Variants in ADCY9 observed in about 807,000 individuals in gnomAD.
ADCY9 encodes adenylate cyclase type 9.
ADCY9 carries 50 observed loss-of-function variants against 101.5 expected under a neutral mutation model. That is an observed-to-expected ratio of 0.49 (90% CI 0.39 to 0.62). The LOEUF is 0.62. Among genes scored for constraint, ADCY9 ranks in the 20% least tolerant of loss-of-function variants. The probability of loss-of-function intolerance (pLI) is 0.00; values close to 1 mark genes in which losing one functional copy is unlikely to be tolerated. For synonymous variants in ADCY9, 905 were observed against 769.3 expected (o/e 1.18, Z -2.92); for missense variants, 1,662 against 1,800.4 (o/e 0.92, Z 1.39).
downstream of ADCY9, among the ~76,000 whole-genome samples, chr16:3,958,385 AAAAAATTAGCCGGGTGT>A (rs2055919041): frequency 6.6e-6 from 1 of 151,926 alleles, no homozygotes; most frequent in East Asian, 2.0e-4. Context: ...CTAAAAATAC[AAAAAATTAGCCGGGTGT>A]GGTGGTGTGC....
At chr16:4,029,248 G>C (rs1280629043) in intron 2 of ADCY9, among the ~76,000 whole-genome samples, 1 of 151,842 alleles carries the variant, frequency 6.6e-6, no homozygotes, top group East Asian at 1.9e-4. Context: ...AGAGAAATAG[G>C]ACAAAAAAAG....
intron 2 of ADCY9, among the ~76,000 whole-genome samples, chr16:4,095,861 C>A (rs975015222): frequency 4.6e-4 from 70 of 151,272 alleles, no homozygotes; most frequent in African/African-American, 1.6e-3. Context: ...ACTATAGTCC[C>A]AGCTACTCGA....
At chr16:4,001,397 T>C (rs566480011) in intron 3 of ADCY9, among the ~76,000 whole-genome samples, 61 of 152,328 alleles carry the variant, frequency 4.0e-4, no homozygotes, top group Admixed American at 1.3e-3. Flanking sequence ...GGTTTGGGGT[T>C]TGCGGAAAGA....
At chr16:4,048,390 A>G (rs773182633) in intron 2 of ADCY9, among the ~76,000 whole-genome samples, 1 of 152,190 alleles carries the variant, frequency 6.6e-6, no homozygotes, top group Non-Finnish European at 1.5e-5. Flanking sequence ...GAAACACAAC[A>G]GTTTATTCCT....
At chr16:3,996,371 T>C (rs2056286925) in intron 3 of ADCY9, among the ~76,000 whole-genome samples, 3 of 152,090 alleles carry the variant, frequency 2.0e-5, no homozygotes, top group Admixed American at 6.6e-5. Context: ...AAAATACATA[T>C]ATATATGTAT....
At position 3,983,798 on chromosome 16, in the gene ADCY9, G is replaced by C. The variant is rs577615212; in HGVS notation, c.2311-358C>G. 4.8e-5 allele frequency: 12 copies of C among 247,438 alleles called. No homozygotes were observed. In the South Asian group the frequency reaches 7.7e-4, roughly 16 times the overall value. The allele number at this position is 247,438 out of a possible 1,614,324, so 15.3% of individuals were successfully genotyped here. On this transcript the variant is annotated intron_variant, in intron 6 of 10. Transcript: ENST00000294016. Reference sequence around the variant, plus strand: ...AAATTAGCCAGGCATGGCAGTGCGTGAGTGTGGTCCCAGCTACTCAGGAGG... The same window carrying C: ...AAATTAGCCAGGCATGGCAGTGCGTCAGTGTGGTCCCAGCTACTCAGGAGG...
At chr16:4,060,477 C>A (rs903418312) in intron 2 of ADCY9, among the ~76,000 whole-genome samples, 1 of 152,144 alleles carries the variant, frequency 6.6e-6, no homozygotes, top group South Asian at 2.1e-4. Flanking sequence ...CTGAACATGT[C>A]CCTAAACGTA....
At chr16:4,000,439 T>C (rs2056321783) in intron 3 of ADCY9, among the ~76,000 whole-genome samples, 1 of 152,216 alleles carries the variant, frequency 6.6e-6, no homozygotes, top group African/African-American at 2.4e-5. Flanking sequence ...CTGGCATTGC[T>C]GTTTAAGCTA....
intron 5 of ADCY9, among the ~76,000 whole-genome samples, chr16:3,991,768 A>ATT (rs1567427428): frequency 5.6e-5 from 8 of 142,270 alleles, no homozygotes; most frequent in South Asian, 2.3e-4. Flanking sequence ...CCTTATAAAA[A>ATT]AAAAAAAAAA....
chr16:4,030,584 T>C (rs1442209950), intron 2 of ADCY9, among the ~76,000 whole-genome samples: 1 of 152,004 alleles, frequency 6.6e-6, no homozygotes, highest in Non-Finnish European at 1.5e-5. Context: ...GTGCCTGTAG[T>C]CCCAGCTCCT....
At chr16:4,106,684 C>G (rs145032775) in intron 2 of ADCY9, among the ~76,000 whole-genome samples, 1 of 152,198 alleles carries the variant, frequency 6.6e-6, no homozygotes, top group Non-Finnish European at 1.5e-5. Flanking sequence ...ATACTAAAAT[C>G]ACCAACCAAG....
intron 2 of ADCY9, among the ~76,000 whole-genome samples, chr16:4,063,269 G>A (rs1254827344): frequency 6.6e-6 from 1 of 151,956 alleles, no homozygotes; most frequent in African/African-American, 2.4e-5. Flanking sequence ...GAAATCACAA[G>A]GGAAGTTTAA....
At chr16:4,103,990 C>G (rs2057060427) in intron 2 of ADCY9, among the ~76,000 whole-genome samples, 1 of 152,136 alleles carries the variant, frequency 6.6e-6, no homozygotes, top group Non-Finnish European at 1.5e-5. Context: ...CACAGCGGTC[C>G]TGGAGAAAAG....
chr16:4,005,792 A>G (rs143730490), intron 3 of ADCY9, among the ~76,000 whole-genome samples: 148 of 152,310 alleles, frequency 9.7e-4, no homozygotes, highest in African/African-American at 3.3e-3. Context: ...GGCAAACACA[A>G]CGAATTATAT....
chr16:4,053,630 A>G (rs1477726109), intron 2 of ADCY9, among the ~76,000 whole-genome samples: 1 of 152,162 alleles, frequency 6.6e-6, no homozygotes, highest in South Asian at 2.1e-4. Flanking sequence ...TTGGAGACTG[A>G]AAATAACATT....
At chr16:4,061,845 A>G (rs759355655) in intron 2 of ADCY9, among the ~76,000 whole-genome samples, 52 of 152,238 alleles carry the variant, frequency 3.4e-4, no homozygotes, top group Non-Finnish European at 5.9e-4. Flanking sequence ...TCTTTTTTAC[A>G]CTTAACTGAT....
chr16:4,096,797 G>A (rs1166866212), intron 2 of ADCY9, among the ~76,000 whole-genome samples: 1 of 151,992 alleles, frequency 6.6e-6, no homozygotes, highest in African/African-American at 2.4e-5. Context: ...CCTTTCTCCA[G>A]GCTAGAGTGT....
chr16:3,979,078 G>GGA (rs1567419520), intron 8 of ADCY9, 38 bp downstream of exon 8: 9 of 1,611,894 alleles, frequency 5.6e-6, no homozygotes, highest in Non-Finnish European at 5.9e-6. Flanking sequence ...AGGGAGTCCA[G>GGA]GAGAGCGTGG....
chr16:4,000,365 A>G (rs1349693668), intron 3 of ADCY9, among the ~76,000 whole-genome samples: 1 of 152,132 alleles, frequency 6.6e-6, no homozygotes, highest in African/African-American at 2.4e-5. Context: ...CCTGGCCCCA[A>G]CGATCTCCAG....
Sources: allele counts gnomAD v4.1 joint callset (sites outside exome capture counted in the v4.1 genomes callset), GRCh38; gene constraint gnomAD v4.1.1; transcripts MANE v1.5; gene names NCBI Gene and HGNC (gene_info 2026-07-23, HGNC 2026-07-21).